Variants in PTPRD observed in about 807,000 individuals in gnomAD.
PTPRD encodes the protein protein tyrosine phosphatase receptor type D.
A neutral mutation model predicts 214.5 loss-of-function variants in PTPRD; 34 were observed. The observed-to-expected ratio is 0.16, with a 90% CI of 0.12 to 0.21. The LOEUF (loss-of-function observed/expected upper bound fraction) is 0.21, where lower values mean the gene tolerates loss of function less well. Among genes scored for constraint, PTPRD ranks in the 10% least tolerant of loss-of-function variants. PTPRD has a pLI of 1.00. For missense variants in PTPRD, 2,545 were observed against 2,398.7 expected (o/e 1.06, Z -1.27); for synonymous variants, 1,128 against 845.7 (o/e 1.33, Z -5.79).
At chr9:9,399,154 A>G (rs2069138710) in intron 8 of PTPRD, among the ~76,000 whole-genome samples, 1 of 152,076 alleles carries the variant, frequency 6.6e-6, no homozygotes, top group African/African-American at 2.4e-5. Flanking sequence ...GTTTCATGCA[A>G]TATATTACAT....
intron 12 of PTPRD, among the ~76,000 whole-genome samples, chr9:8,641,379 G>C (rs1056102798): frequency 6.7e-6 from 1 of 148,424 alleles, no homozygotes; most frequent in African/African-American, 2.6e-5. Context: ...ATTATTTAGA[G>C]AGGCATCCTT....
At chr9:10,382,928 C>G (rs1167020825) in intron 2 of PTPRD, among the ~76,000 whole-genome samples, 1 of 150,430 alleles carries the variant, frequency 6.6e-6, no homozygotes, top group Non-Finnish European at 1.5e-5. Context: ...AGGAGAGAGA[C>G]CGTCCCTTTA....
At chr9:9,793,779 G>C (rs1282157763) in intron 5 of PTPRD, among the ~76,000 whole-genome samples, 1 of 151,912 alleles carries the variant, frequency 6.6e-6, no homozygotes, top group Non-Finnish European at 1.5e-5. Context: ...GTTTCCATTA[G>C]ATTAAATCCC....
intron 2 of PTPRD, among the ~76,000 whole-genome samples, chr9:10,469,661 T>C (rs1176760892): frequency 6.6e-6 from 1 of 152,118 alleles, no homozygotes; most frequent in Admixed American, 6.6e-5. Context: ...CTGCTGAGTA[T>C]ATATCCAAAA....
intron 3 of PTPRD, among the ~76,000 whole-genome samples, chr9:10,126,840 T>A (rs1025508703): frequency 6.6e-6 from 1 of 152,216 alleles, no homozygotes; most frequent in Non-Finnish European, 1.5e-5. Context: ...ACAAACAATG[T>A]GATTCATAAT....
intron 7 of PTPRD, among the ~76,000 whole-genome samples, chr9:9,592,395 G>A (rs2092821286): frequency 6.6e-6 from 1 of 151,954 alleles, no homozygotes; most frequent in African/African-American, 2.4e-5. Flanking sequence ...CTTCCTCCAT[G>A]TATGCTTATA....
In PTPRD at chr9:8,965,613, T is replaced by A. The variant is rs1325878048; in HGVS notation, c.-104+53084A>T. ...CCCTTCTTTGTCCTTTTTGCTGTTG[T>A]TGGTTTAAAGTAAGGAAGATTCCTT... On this transcript the variant is annotated intron_variant, in intron 11 of 45. Coordinates refer to ENST00000381196, the MANE Select transcript of PTPRD (RefSeq NM_002839.4). Among the ~76,000 whole-genome samples, 5 of 152,220 alleles carry A rather than the reference T, an allele frequency of 3.3e-5. No homozygotes were observed. In the East Asian group the frequency reaches 9.7e-4, roughly 30 times the overall value.
chr9:10,185,293 A>G (rs2099324810), intron 3 of PTPRD, among the ~76,000 whole-genome samples: 1 of 152,186 alleles, frequency 6.6e-6, no homozygotes, highest in South Asian at 2.1e-4. Flanking sequence ...AAGAGAAGAA[A>G]ATAAAAGCCA....
intron 5 of PTPRD, among the ~76,000 whole-genome samples, chr9:9,848,241 C>G (rs1319463594): frequency 1.3e-5 from 2 of 152,090 alleles, no homozygotes; most frequent in African/African-American, 4.8e-5. Context: ...CACAGATTCC[C>G]CAGTACTGCT....
At chr9:10,368,088 T>A (rs919901447) in intron 2 of PTPRD, among the ~76,000 whole-genome samples, 1 of 152,088 alleles carries the variant, frequency 6.6e-6, no homozygotes, top group Non-Finnish European at 1.5e-5. Context: ...CAAGCATAAT[T>A]TGAGTGTAAG....
intron 2 of PTPRD, among the ~76,000 whole-genome samples, chr9:10,537,950 A>G (rs1311040231): frequency 6.6e-6 from 1 of 152,092 alleles, no homozygotes; most frequent in East Asian, 1.9e-4. Context: ...AATTCTGAGG[A>G]TGACACCTCG....
intron 2 of PTPRD, among the ~76,000 whole-genome samples, chr9:10,423,845 T>G (rs2098580727): frequency 6.6e-6 from 1 of 152,042 alleles, no homozygotes; most frequent in Non-Finnish European, 1.5e-5. Flanking sequence ...AGGTTTGGGA[T>G]GCACCCGCTA....
At chr9:10,080,677 A>G (rs952825482) in intron 3 of PTPRD, among the ~76,000 whole-genome samples, 2 of 152,114 alleles carry the variant, frequency 1.3e-5, no homozygotes, top group East Asian at 3.9e-4. Context: ...TATCACACAC[A>G]TTGTATATAT....
intron 35 of PTPRD, among the ~76,000 whole-genome samples, chr9:8,432,643 G>T (rs1163093752): frequency 6.6e-6 from 1 of 152,174 alleles, no homozygotes; most frequent in South Asian, 2.1e-4. Flanking sequence ...CTGAAAGCCA[G>T]TAAAAATCTA....
chr9:9,798,519 G>A (rs548926015), intron 5 of PTPRD, among the ~76,000 whole-genome samples: 5 of 152,300 alleles, frequency 3.3e-5, no homozygotes, highest in African/African-American at 1.2e-4. Flanking sequence ...CAAGGATAGG[G>A]AAGGGACTTC....
At chr9:10,271,689 T>A (rs2094434958) in intron 3 of PTPRD, among the ~76,000 whole-genome samples, 1 of 151,780 alleles carries the variant, frequency 6.6e-6, no homozygotes, top group Non-Finnish European at 1.5e-5. Flanking sequence ...ATTATCGGCG[T>A]CTGCCACCAC....
intron 35 of PTPRD, among the ~76,000 whole-genome samples, chr9:8,420,818 T>A (rs34592794): frequency 0.32 from 47,499 of 147,200 alleles, 8,258 homozygotes; most frequent in East Asian, 0.55. Flanking sequence ...TTTTTTTTTT[T>A]AAAAAAAGAA....
At chr9:9,206,963 CCTGA>C (rs2099945249) in intron 9 of PTPRD, among the ~76,000 whole-genome samples, 3 of 152,128 alleles carry the variant, frequency 2.0e-5, no homozygotes, top group South Asian at 4.2e-4. Flanking sequence ...TCTAGAGAAC[CCTGA>C]CTAATACAAA....
At chr9:9,398,542 T>C (rs904062778) in intron 8 of PTPRD, among the ~76,000 whole-genome samples, 1 of 152,006 alleles carries the variant, frequency 6.6e-6, no homozygotes, top group African/African-American at 2.4e-5. Flanking sequence ...GTTTCTGGAA[T>C]AAAACTTGAC....
Sources: gnomAD v4.1 joint callset for allele counts (sites outside exome capture counted in the v4.1 genomes callset) on GRCh38, gnomAD v4.1.1 for gene constraint, MANE v1.5 for transcripts, NCBI Gene and HGNC (gene_info 2026-07-23, HGNC 2026-07-21) for gene names.